KIF11: variants seen among roughly 807,000 people sequenced by gnomAD.
KIF11 encodes kinesin-like protein KIF11.
A neutral mutation model predicts 121.0 loss-of-function variants in KIF11; 9 were observed. That is an observed-to-expected ratio of 0.07 (90% CI 0.04 to 0.13). The LOEUF (loss-of-function observed/expected upper bound fraction) is 0.13, where lower values mean the gene tolerates loss of function less well. Ranked by LOEUF, KIF11 falls within the 10% of genes least tolerant of loss-of-function variation. KIF11 has a pLI of 1.00. For synonymous variants in KIF11, 408 were observed against 421.0 expected (o/e 0.97, Z 0.38); for missense variants, 846 against 1,217.5 (o/e 0.69, Z 4.54).
At position 92,632,525 on chromosome 10, in the gene KIF11, G is replaced by C. The variant is rs1455241534; in HGVS notation, c.1534G>C (p.Gly512Arg). The C allele has an allele frequency of 6.2e-7, 1 of 1,613,158 alleles. No homozygotes were observed. Among genetic ancestry groups the C allele is most frequent in the South Asian group, 1.1e-5 (1 of 91,028 alleles). Residue 512 changes from glycine (G) to arginine (R), a missense_variant, in exon 13 of 22, where the codon GGT (glycine) becomes CGT (arginine). Coordinates refer to ENST00000260731, the MANE Select transcript of KIF11 (RefSeq NM_004523.4). ...TGAAGAAACTACAAAAGATGTATCTGGTCTCCATTCCAAACTGGATCGTAA... is the reference window on the plus strand; with the variant it reads ...TGAAGAAACTACAAAAGATGTATCTCGTCTCCATTCCAAACTGGATCGTAA... ...TVEETTKDVSGLHSKLDRKKA... is the reference protein window; with the variant it reads ...TVEETTKDVSRLHSKLDRKKA...
intron 14 of KIF11, among the ~76,000 whole-genome samples, chr10:92,634,245 AG>A (rs1313804184): frequency 6.6e-6 from 1 of 151,864 alleles, no homozygotes; most frequent in Non-Finnish European, 1.5e-5. Flanking sequence ...GGCCTCCCAA[AG>A]TGCTGGGATT....
intron 10 of KIF11, among the ~76,000 whole-genome samples, chr10:92,627,278 TACAG>T (rs1032441440): frequency 5.9e-5 from 9 of 152,170 alleles, no homozygotes; most frequent in African/African-American, 1.9e-4. Flanking sequence ...GATGAGCAAA[TACAG>T]GCATTCATTT....
At chr10:92,622,715 T>C (rs1390771142) in intron 10 of KIF11, among the ~76,000 whole-genome samples, 1 of 152,170 alleles carries the variant, frequency 6.6e-6, no homozygotes, top group African/African-American at 2.4e-5. Context: ...TGTGTATTAG[T>C]TTGTTCTTAT....
At chr10:92,622,639 TAATA>T (rs1343342555) in intron 10 of KIF11, among the ~76,000 whole-genome samples, 2 of 151,634 alleles carry the variant, frequency 1.3e-5, no homozygotes, top group Non-Finnish European at 2.9e-5. Context: ...GAAAAAATAA[TAATA>T]AAATAAATAA....
chr10:92,638,392 G>A (rs1338072464), intron 16 of KIF11, among the ~76,000 whole-genome samples: 1 of 152,090 alleles, frequency 6.6e-6, no homozygotes, highest in Non-Finnish European at 1.5e-5. Context: ...TGTTTGAGTG[G>A]CTCTTTTGTG....
In KIF11 at chr10:92,645,411, T is replaced by C; in HGVS notation, c.2316T>C (p.Phe772=). 2 of 1,613,176 alleles carry C rather than the reference T, an allele frequency of 1.2e-6. No homozygotes were observed. The highest frequency in any genetic ancestry group is 1.7e-6 in the Non-Finnish European group (2 of 1,179,426). The change falls in exon 18 of 22, where the codon TTT becomes TTC. Residue 772 remains phenylalanine, a synonymous_variant. Coordinates refer to ENST00000260731, the MANE Select transcript of KIF11 (RefSeq NM_004523.4). ...VNKMTFHSQK[F]CADSDGFSQE... is the part of the protein sequence containing the mutation. ...AAATGACTTTTCACAGTCAAAAATT[T>C]TGTGCTGATTCTGATGGCTTCTCAC...
At chr10:92,597,150 C>A in intron 1 of KIF11, 1 of 273,290 alleles carries the variant, frequency 3.7e-6, no homozygotes, top group South Asian at 4.5e-5. Context: ...GGGTGGCAAT[C>A]TTCACTTCTC....
chr10:92,604,776 T>G (rs1844410857), intron 1 of KIF11, among the ~76,000 whole-genome samples: 1 of 152,202 alleles, frequency 6.6e-6, no homozygotes, highest in Non-Finnish European at 1.5e-5. Context: ...AGGTCAAGAT[T>G]ATGTCTCTCC....
intron 10 of KIF11, among the ~76,000 whole-genome samples, chr10:92,626,617 G>C (rs886246125): frequency 6.6e-6 from 1 of 152,090 alleles, no homozygotes; most frequent in African/African-American, 2.4e-5. Flanking sequence ...TTTAAGCCAA[G>C]CTTAATAGAC....
chr10:92,623,963 A>T (rs1227876438), intron 10 of KIF11, among the ~76,000 whole-genome samples: 1 of 151,992 alleles, frequency 6.6e-6, no homozygotes, highest in Non-Finnish European at 1.5e-5. Flanking sequence ...ATGTAACAGG[A>T]GTTGGTGTAC....
At chr10:92,621,504 A>G (rs943885598) in intron 10 of KIF11, 31 bp downstream of exon 10, 4 of 1,317,992 alleles carry the variant, frequency 3.0e-6, no homozygotes. Flanking sequence ...TTAATTTCCA[A>G]GAATAAGCAT....
In KIF11 at chr10:92,632,539, A is replaced by G; in HGVS notation, c.1548A>G (p.Lys516=). The change falls in exon 13 of 22, where the codon AAA becomes AAG. Residue 516 remains lysine, a synonymous_variant. Coordinates refer to ENST00000260731, the MANE Select transcript of KIF11 (RefSeq NM_004523.4). ...AAGATGTATCTGGTCTCCATTCCAA[A>G]CTGGATCGTAAGAAGGCAGTTGACC... The part of the protein sequence containing the change: ...TTKDVSGLHS[K]LDRKKAVDQH... 6.2e-7 allele frequency: 1 copy of G among 1,613,888 alleles called. No homozygotes were observed. Among genetic ancestry groups the G allele is most frequent in the East Asian group, 2.2e-5 (1 of 44,868 alleles).
intron 19 of KIF11, 90 bp downstream of exon 19, chr10:92,648,524 C>T: frequency 2.7e-6 from 2 of 735,934 alleles, no homozygotes; most frequent in Non-Finnish European, 4.4e-6. Context: ...TTAGGTCCTG[C>T]CATTGCCTGA....
intron 17 of KIF11, among the ~76,000 whole-genome samples, chr10:92,643,967 T>C (rs1844893952): frequency 1.3e-5 from 2 of 152,204 alleles, no homozygotes; most frequent in African/African-American, 4.8e-5. Context: ...TTGTGAACTC[T>C]TCCTATATGC....
At position 92,613,721 on chromosome 10, in the gene KIF11, C is replaced by T; in HGVS notation, c.1032+102C>T. On this transcript the variant is annotated intron_variant, in intron 8 of 21. Transcript: ENST00000260731. The surrounding 1 kb of genome is among the most constrained non-coding windows in gnomAD (Gnocchi z 4.2). ...TTACTAGGATGGACACAGTGACTCA[C>T]ACCTGTAAACCCAGCACTTTGGAAG... 1.8e-6 allele frequency: 2 copies of T among 1,133,188 alleles called. No individual in the cohort carries two copies. Among genetic ancestry groups the T allele is most frequent in the Admixed American group, 5.2e-5 (2 of 38,564 alleles). 70.2% of individuals were successfully genotyped at this position (1,133,188 alleles called of 1,614,324 possible).
At chr10:92,593,790 C>T (rs1274251110) in intron 1 of KIF11, among the ~76,000 whole-genome samples, 1 of 152,154 alleles carries the variant, frequency 6.6e-6, no homozygotes, top group Admixed American at 6.6e-5. Flanking sequence ...TGGTTAAGCA[C>T]TTACGTTGGT....
intron 19 of KIF11, 78 bp from the exon 20 acceptor site, chr10:92,649,757 T>G: frequency 1.1e-6 from 1 of 906,830 alleles, no homozygotes; most frequent in Non-Finnish European, 1.7e-6. Context: ...ACAAGATTAA[T>G]TAGGAAGTTT....
chr10:92,627,652 G>A (rs1184177808), intron 10 of KIF11, among the ~76,000 whole-genome samples: 2 of 151,858 alleles, frequency 1.3e-5, no homozygotes, highest in Non-Finnish European at 2.9e-5. Flanking sequence ...CAAATGTCTA[G>A]TGATTTTTGG....
chr10:92,598,046 C>T (rs1844320787), intron 1 of KIF11, among the ~76,000 whole-genome samples: 1 of 152,108 alleles, frequency 6.6e-6, no homozygotes, highest in African/African-American at 2.4e-5. Context: ...CTCAGCCTTC[C>T]AGGTAGCTGG....
Sources: allele counts gnomAD v4.1 joint callset (sites outside exome capture counted in the v4.1 genomes callset), GRCh38; gene constraint gnomAD v4.1.1; non-coding constraint Gnocchi (gnomAD v3.1); transcripts MANE v1.5; gene names NCBI Gene and HGNC (gene_info 2026-07-23, HGNC 2026-07-21).